The following NAALADL2 variants were observed in gnomAD, a reference collection of about 807,000 sequenced individuals.
NAALADL2 encodes the protein inactive N-acetylated-alpha-linked acidic dipeptidase-like protein 2.
In NAALADL2, 76 loss-of-function variants were observed where a neutral mutation model predicts 87.2. The observed-to-expected ratio is 0.87, with a 90% CI of 0.72 to 1.05. NAALADL2 has a LOEUF of 1.05. Ranked by LOEUF, NAALADL2 falls within the 50% of genes least tolerant of loss-of-function variation. The pLI is 0.00. For synonymous variants in NAALADL2, 354 were observed against 331.0 expected (o/e 1.07, Z -0.75); for missense variants, 1,089 against 945.8 (o/e 1.15, Z -1.99).
At chr3:175,217,714 C>T (rs773010339) in intron 2 of NAALADL2, among the ~76,000 whole-genome samples, 4 of 152,288 alleles carry the variant, frequency 2.6e-5, no homozygotes, top group Admixed American at 2.0e-4. Context: ...CCAACTCATG[C>T]ATTATGTGGC....
chr3:175,395,817 G>A (rs1321402623), intron 5 of NAALADL2, among the ~76,000 whole-genome samples: 1 of 152,160 alleles, frequency 6.6e-6, no homozygotes, highest in Non-Finnish European at 1.5e-5. Context: ...CCCCTCTCAT[G>A]AGGAAGTTTG....
chr3:174,848,918 C>A (rs1469552433), intron 3 of NAALADL2, among the ~76,000 whole-genome samples: 1 of 152,148 alleles, frequency 6.6e-6, no homozygotes, highest in Admixed American at 6.5e-5. Flanking sequence ...CCTATTGCTC[C>A]TAGGCTGTAA....
intron 1 of NAALADL2, among the ~76,000 whole-genome samples, chr3:174,524,018 T>G (rs2108420636): frequency 6.6e-6 from 1 of 152,274 alleles, no homozygotes; most frequent in African/African-American, 2.4e-5. Flanking sequence ...TCTTTTTTTT[T>G]GCTTGTATCT....
intron 3 of NAALADL2, among the ~76,000 whole-genome samples, chr3:174,805,053 A>G (rs1432183735): frequency 6.6e-6 from 1 of 152,122 alleles, no homozygotes; most frequent in East Asian, 1.9e-4. Context: ...ATTATTTGCT[A>G]GGGTTAAAAT....
At chr3:175,585,687 G>C (rs1720445534) in intron 10 of NAALADL2, among the ~76,000 whole-genome samples, 1 of 151,788 alleles carries the variant, frequency 6.6e-6, no homozygotes, top group Non-Finnish European at 1.5e-5. Flanking sequence ...GGAAAAATAT[G>C]ATAAAATCAA....
At chr3:175,799,244 ATAT>A (rs1216162764) in intron 13 of NAALADL2, among the ~76,000 whole-genome samples, 5 of 108,256 alleles carry the variant, frequency 4.6e-5, no homozygotes, top group South Asian at 2.7e-4. Context: ...AAAACTGTAA[ATAT>A]TATGAAAAAT....
chr3:174,576,871 A>G (rs1009849675), intron 2 of NAALADL2, among the ~76,000 whole-genome samples: 3 of 152,158 alleles, frequency 2.0e-5, no homozygotes, highest in Admixed American at 6.6e-5. Flanking sequence ...CTGCAATGTG[A>G]TAGAGTAAAA....
rs1252262469 is a variant in NAALADL2 at position 174,894,002 on chromosome 3, C to T, written c.43+34552C>T. Among the ~76,000 whole-genome samples, 3 of 152,122 alleles carry T rather than the reference C, an allele frequency of 2.0e-5. No homozygotes were observed. In the East Asian group the frequency reaches 5.8e-4, roughly 29 times the overall value. The stretch of plus-strand genomic sequence containing the variant: ...CTTTACCTGTGAAGACAAATATAGA[C>T]TGAAAATAAAGATATTTCTTGTCAA... On this transcript the variant is annotated intron_variant, in intron 1 of 13. Transcript: ENST00000454872.
chr3:174,473,550 A>G (rs936393726), intron 1 of NAALADL2, among the ~76,000 whole-genome samples: 1 of 152,178 alleles, frequency 6.6e-6, no homozygotes, highest in African/African-American at 2.4e-5. Context: ...CTTGTCAACC[A>G]GTTGTTCTTA....
Position 175,096,901 on chromosome 3 carries a change from TGGAGAA to T in NAALADL2, c.159_164del (p.Lys54_Glu55del). On this transcript the variant is annotated inframe_deletion, in exon 2 of 14. Coordinates refer to ENST00000454872, the MANE Select transcript of NAALADL2 (RefSeq NM_207015.3). ...ACTGCCCTTGACTTAGAGTGGGACA[TGGAGAA>T]GGAACTAGAGGAGTCTGGTTTTGAC... The T allele has an allele frequency of 6.2e-7, 1 of 1,613,368 alleles. No homozygotes were observed. The highest frequency in any genetic ancestry group is 8.5e-7 in the Non-Finnish European group (1 of 1,179,626).
chr3:174,780,071 A>G (rs1412657841), intron 3 of NAALADL2, among the ~76,000 whole-genome samples: 2 of 152,066 alleles, frequency 1.3e-5, no homozygotes. Flanking sequence ...CAGTATGGCC[A>G]TTTTCATTAT....
intron 2 of NAALADL2, among the ~76,000 whole-genome samples, chr3:175,220,842 AG>A (rs1274188993): frequency 1.3e-5 from 2 of 152,110 alleles, no homozygotes; most frequent in Non-Finnish European, 2.9e-5. Flanking sequence ...CATTTCTCTA[AG>A]CACTGCTTTA....
In NAALADL2 at chr3:175,775,540, G is replaced by A. The variant is rs924780220; in HGVS notation, c.2189+20122G>A. ...TCATTAATTCAGCAAACATTTATGTGCCTATTCTATTCTAGGCATTATGCT... is the reference window on the plus strand; with the variant it reads ...TCATTAATTCAGCAAACATTTATGTACCTATTCTATTCTAGGCATTATGCT... On this transcript the variant is annotated intron_variant, in intron 13 of 13. Coordinates refer to ENST00000454872, the MANE Select transcript of NAALADL2 (RefSeq NM_207015.3). Among the ~76,000 whole-genome samples the A allele has an allele frequency of 4.6e-5, 7 of 152,006 alleles. No homozygotes were observed. In the South Asian group the frequency reaches 1.0e-3, roughly 23 times the overall value.
intron 5 of NAALADL2, among the ~76,000 whole-genome samples, chr3:175,368,765 T>C (rs1429608688): frequency 6.6e-6 from 1 of 152,170 alleles, no homozygotes; most frequent in African/African-American, 2.4e-5. Flanking sequence ...TTATGTCGTA[T>C]AGCTTATTAC....
chr3:174,680,203 C>T (rs1328748572), intron 2 of NAALADL2, among the ~76,000 whole-genome samples: 7 of 151,920 alleles, frequency 4.6e-5, no homozygotes, highest in Non-Finnish European at 1.5e-5. Context: ...TTAAATATAC[C>T]TTTGATTATG....
chr3:174,987,595 AAAAC>A (rs1746097976), intron 1 of NAALADL2, among the ~76,000 whole-genome samples: 6 of 141,960 alleles, frequency 4.2e-5, no homozygotes, highest in Admixed American at 1.4e-4. Context: ...AAAAAAAAAA[AAAAC>A]AATACTCATC....
intron 2 of NAALADL2, among the ~76,000 whole-genome samples, chr3:174,700,472 G>A (rs4367080): frequency 0.22 from 32,885 of 151,816 alleles, 4,289 homozygotes; most frequent in East Asian, 0.34. Context: ...TCAGTATAAC[G>A]CTCTCCATGG....
At position 175,737,329 on chromosome 3, in the gene NAALADL2, A is replaced by G; in HGVS notation, c.1920A>G (p.Gln640=). The G allele has an allele frequency of 6.2e-7, 1 of 1,611,254 alleles. No homozygotes were observed. The highest frequency in any genetic ancestry group is 8.5e-7 in the Non-Finnish European group (1 of 1,177,694). The change falls in exon 12 of 14, where the codon CAA becomes CAG. Residue 640 remains glutamine (Q), a synonymous_variant. Coordinates refer to ENST00000454872, the MANE Select transcript of NAALADL2 (RefSeq NM_207015.3). ...AGCTCTCAGGAGAAGTGATTTTGCA[A>G]ATTGCCAACGAACCTGTTCTGCCCT... ...ITKLSGEVIL[Q]IANEPVLPFN...
rs929323021 is a variant in NAALADL2, at chr3:175,223,864, C to T, written c.546-10067C>T. Reference sequence around the variant, plus strand: ...GAAAGAAAGAGAAGAAGGGAAGTTACATTTGTAAATGTCTGGAGGTACTAG... The same window carrying T: ...GAAAGAAAGAGAAGAAGGGAAGTTATATTTGTAAATGTCTGGAGGTACTAG... On this transcript the variant is annotated intron_variant, in intron 2 of 13. Coordinates refer to ENST00000454872, the MANE Select transcript of NAALADL2 (RefSeq NM_207015.3). Among the ~76,000 whole-genome samples the T allele has an allele frequency of 3.3e-5, 5 of 152,138 alleles. No homozygotes were observed. The South Asian group carries it at 1.0e-3, about 31-fold the overall frequency.
Sources: allele counts gnomAD v4.1 joint callset (sites outside exome capture counted in the v4.1 genomes callset), GRCh38; gene constraint gnomAD v4.1.1; transcripts MANE v1.5; gene names NCBI Gene and HGNC (gene_info 2026-07-23, HGNC 2026-07-21).